C2CD2: variants seen among roughly 807,000 people sequenced by gnomAD.
The protein encoded by C2CD2 is C2 domain-containing protein 2.
Under a neutral mutation model 74.3 loss-of-function variants are expected in C2CD2, and 43 were observed. The ratio of observed to expected loss-of-function variants is 0.58; its 90% CI spans 0.45 to 0.75. The LOEUF (loss-of-function observed/expected upper bound fraction) is 0.75. C2CD2 is among the 30% of genes least tolerant of loss of function. The probability of loss-of-function intolerance (pLI) is 0.00; values close to 1 mark genes in which losing one functional copy is unlikely to be tolerated. For missense variants in C2CD2, 801 were observed against 916.3 expected (o/e 0.87, Z 1.63); for synonymous variants, 422 against 390.7 (o/e 1.08, Z -0.94).
Position 41,907,858 on chromosome 21 carries a change from C to T in C2CD2, c.1019-74G>A, listed in dbSNP as rs59585090. The T allele has an allele frequency of 0.017, 26,177 of 1,533,132 alleles. 2,737 individuals carry two copies. The African/African-American group carries it at 0.26, about 15-fold the overall frequency. 95.0% of individuals were successfully genotyped at this position (1,533,132 alleles called of 1,614,324 possible). A position where few individuals can be genotyped will look rare whatever the true frequency, so the allele number is the denominator to read the frequency against. On this transcript the variant is annotated intron_variant, in intron 8 of 13. Coordinates refer to ENST00000380486, the MANE Select transcript of C2CD2 (RefSeq NM_015500.2). ...TTCCGTGAGGACGGAAAGGCCCACACGCCCAGCAGCCGGAACACGCTCCTC... is the reference window on the plus strand; with the variant it reads ...TTCCGTGAGGACGGAAAGGCCCACATGCCCAGCAGCCGGAACACGCTCCTC...
rs570201113 is a variant in C2CD2, at chr21:41,926,078, C to T, written c.379-3993G>A. Among the ~76,000 whole-genome samples, 1 of 152,168 alleles carries T rather than the reference C, an allele frequency of 6.6e-6. No homozygotes were observed. The highest frequency in any genetic ancestry group is 1.5e-5 in the Non-Finnish European group (1 of 68,030). Reference sequence around the variant, plus strand: ...AGAAGCAATTATTTGGCATAGGCGGCAGTGACAGTGAACTCCTCAGAGGAC... The same window carrying T: ...AGAAGCAATTATTTGGCATAGGCGGTAGTGACAGTGAACTCCTCAGAGGAC... On this transcript the variant is annotated intron_variant, in intron 2 of 13. Coordinates refer to ENST00000380486, the MANE Select transcript of C2CD2 (RefSeq NM_015500.2). The surrounding 1 kb of genome is among the most constrained non-coding windows in gnomAD (Gnocchi z 8.0).
Position 41,885,961 on chromosome 21 carries a change from A to G in C2CD2, c.*3163T>C, listed in dbSNP as rs79889346. On this transcript the variant is annotated 3_prime_UTR_variant, in exon 14 of 14. Transcript: ENST00000380486. ...GTCAAAACTCTCACAGCAGGTTTTCAGCTGGAACAAGGAGATGGCTACTTT... is the reference window on the plus strand; with the variant it reads ...GTCAAAACTCTCACAGCAGGTTTTCGGCTGGAACAAGGAGATGGCTACTTT... 2.0e-5 allele frequency: 3 copies of G among 152,544 alleles called. No individual in the cohort carries two copies. The highest frequency in any genetic ancestry group is 2.0e-4 in the Admixed American group (3 of 15,284). 9.4% of individuals were successfully genotyped at this position (152,544 alleles called of 1,614,324 possible). A position where few individuals can be genotyped will look rare whatever the true frequency, so the allele number is the denominator to read the frequency against.
intron 13 of C2CD2, among the ~76,000 whole-genome samples, chr21:41,891,936 G>A (rs1197074250): frequency 3.3e-5 from 5 of 152,180 alleles, no homozygotes; most frequent in Admixed American, 3.3e-4. Flanking sequence ...CTGTATCCAG[G>A]CCTGAGGTAT....
chr21:41,892,014 C>T lies in C2CD2; in HGVS notation c.1871-2670G>A, dbSNP rs1416394916. 1.3e-5 allele frequency among the ~76,000 whole-genome samples: 2 copies of T among 151,988 alleles called. No individual in the cohort carries two copies. Among genetic ancestry groups the T allele is most frequent in the African/African-American group, 4.8e-5 (2 of 41,370 alleles). On this transcript the variant is annotated intron_variant, in intron 13 of 13. Coordinates refer to ENST00000380486, the MANE Select transcript of C2CD2 (RefSeq NM_015500.2). This position sits in a 1 kb window ranked among gnomAD's most constrained non-coding sequence, Gnocchi z 4.6. ...CCACCCAAATTCATATGTTACAGTC[C>T]TAATCCCCAGTACTTCACAGAATGT...
At chr21:41,931,406 G>A (rs1431157353) in intron 2 of C2CD2, among the ~76,000 whole-genome samples, 2 of 145,634 alleles carry the variant, frequency 1.4e-5, no homozygotes, top group Non-Finnish European at 3.1e-5. Context: ...AGAGATAAGA[G>A]CGTCTTTTGA....
At chr21:41,901,243 G>A in intron 12 of C2CD2, 1 of 318,508 alleles carries the variant, frequency 3.1e-6, no homozygotes, top group South Asian at 3.1e-5. Context: ...AAAAGTAAAA[G>A]GCTTTGGAAA....
chr21:41,911,819 T>C (rs923632960), intron 7 of C2CD2, among the ~76,000 whole-genome samples: 1 of 151,882 alleles, frequency 6.6e-6, no homozygotes, highest in Non-Finnish European at 1.5e-5. Context: ...GCCTCCCAAA[T>C]AGCTAGGAGT....
At chr21:41,934,203 G>A (rs554792891) in intron 2 of C2CD2, among the ~76,000 whole-genome samples, 35 of 152,278 alleles carry the variant, frequency 2.3e-4, no homozygotes, top group African/African-American at 8.4e-4. Context: ...AGAAGACGAT[G>A]GATTACTTGA....
In C2CD2 at chr21:41,919,176, ATG is replaced by A. The variant is rs770400990; in HGVS notation, c.493-218_493-217del. 2.7e-5 allele frequency: 16 copies of A among 587,856 alleles called. 1 individual carries two copies. Among genetic ancestry groups the A allele is most frequent in the South Asian group, 1.4e-4 (7 of 50,842 alleles). The allele number at this position is 587,856 out of a possible 1,614,324, so 36.4% of individuals were successfully genotyped here. On this transcript the variant is annotated intron_variant, in intron 3 of 13. Coordinates refer to ENST00000380486, the MANE Select transcript of C2CD2 (RefSeq NM_015500.2). ...TGTGCATGTATGAGCATGTGTGTGC[ATG>A]TGAGTGTGAATGTGTGCATGTGCAT...
At chr21:41,943,687 C>CA (rs972271254) in intron 1 of C2CD2, among the ~76,000 whole-genome samples, 1 of 152,182 alleles carries the variant, frequency 6.6e-6, no homozygotes, top group Non-Finnish European at 1.5e-5. Flanking sequence ...AAGCATGGTG[C>CA]AAGTGAGCAA....
chr21:41,953,385 C>G lies in C2CD2; in HGVS notation c.264G>C (p.Glu88Asp). 7.0e-7 allele frequency: 1 copy of G among 1,419,294 alleles called. No individual in the cohort carries two copies. Among genetic ancestry groups the G allele is most frequent in the African/African-American group, 1.5e-5 (1 of 66,826 alleles). 87.9% of individuals were successfully genotyped at this position (1,419,294 alleles called of 1,614,324 possible). ...GGAAACTCACCCCTTTCCTCTCGGCCTCCTCGTTCAGGGCGGTCACCCAGG... is the reference window on the plus strand; with the variant it reads ...GGAAACTCACCCCTTTCCTCTCGGCGTCCTCGTTCAGGGCGGTCACCCAGG... Reference protein sequence around the residue: ...QAAWVTALNEEAERKGGPPFL... With the variant: ...QAAWVTALNEDAERKGGPPFL... The change falls in exon 1 of 14, where the codon GAG (glutamate) becomes GAC (aspartate). Residue 88 changes from glutamate to aspartate, a missense_variant. Physicochemically the swap from Glu to Asp is conservative, Grantham distance 45. Coordinates refer to ENST00000380486, the MANE Select transcript of C2CD2 (RefSeq NM_015500.2).
Position 41,953,849 on chromosome 21 carries a change from C to T in C2CD2, c.-201G>A. The T allele has an allele frequency of 3.1e-6, 1 of 319,506 alleles. No individual in the cohort carries two copies. The highest frequency in any genetic ancestry group is 5.3e-6 in the Non-Finnish European group (1 of 187,618). 19.8% of individuals were successfully genotyped at this position (319,506 alleles called of 1,614,324 possible). A position where few individuals can be genotyped will look rare whatever the true frequency, so the allele number is the denominator to read the frequency against. On this transcript the variant is annotated 5_prime_UTR_variant, in exon 1 of 14. Coordinates refer to ENST00000380486, the MANE Select transcript of C2CD2 (RefSeq NM_015500.2). ...AAACGCGCGGCGGCCGCGGCCCGGG[C>T]TGGGCGCAAGCCCCGCACACCTGCG... is the stretch of plus-strand genomic sequence containing the variant.
At chr21:41,901,443 T>C in intron 12 of C2CD2, 179 bp downstream of exon 12, 5 of 693,052 alleles carry the variant, frequency 7.2e-6, no homozygotes, top group Non-Finnish European at 1.3e-5. Flanking sequence ...TAGGATAAAC[T>C]GTGTAAACAC....
At chr21:41,951,066 T>C (rs1025009155) in intron 1 of C2CD2, among the ~76,000 whole-genome samples, 2 of 152,034 alleles carry the variant, frequency 1.3e-5, no homozygotes, top group Non-Finnish European at 2.9e-5. Flanking sequence ...CAGCCACGAA[T>C]GGACACAGCA....
Position 41,889,286 on chromosome 21 carries a change from G to T in C2CD2, c.1929C>A (p.Asp643Glu), listed in dbSNP as rs1359985141. The change falls in exon 14 of 14, where the codon GAC (aspartate) becomes GAA (glutamate). Residue 643 changes from aspartate to glutamate, a missense_variant. Transcript: ENST00000380486. Reference protein sequence around the residue: ...LFFRRRHQQKDPGMSQSHNDL... With the variant: ...LFFRRRHQQKEPGMSQSHNDL... ...CATTGTGTGACTGACTCATGCCTGGGTCTTTCTGTTGATGCCGCCGGCGGA... is the reference window on the plus strand; with the variant it reads ...CATTGTGTGACTGACTCATGCCTGGTTCTTTCTGTTGATGCCGCCGGCGGA... 33 of 1,613,994 alleles carry T rather than the reference G, an allele frequency of 2.0e-5. No individual in the cohort carries two copies. The highest frequency in any genetic ancestry group is 2.8e-5 in the Non-Finnish European group (33 of 1,180,016).
intron 2 of C2CD2, among the ~76,000 whole-genome samples, chr21:41,934,733 G>T (rs1321200762): frequency 6.6e-6 from 1 of 152,184 alleles, no homozygotes; most frequent in South Asian, 2.1e-4. Context: ...CCGTCTAGGG[G>T]GTGGACAGTA....
At chr21:41,930,711 C>CAA (rs200200446) in intron 2 of C2CD2, among the ~76,000 whole-genome samples, 7 of 130,550 alleles carry the variant, frequency 5.4e-5, no homozygotes, top group Admixed American at 3.0e-4. Flanking sequence ...CAAAACAAAA[C>CAA]AAAAAAAAAA....
In C2CD2 at chr21:41,947,141, C is replaced by CTCTCTCTCTCTCTCTCTCTCT. The variant is rs1569084407; in HGVS notation, c.280-4897_280-4896insAGAGAGAGAGAGAGAGAGAGA. Among the ~76,000 whole-genome samples, 92 of 20,172 alleles carry CTCTCTCTCTCTCTCTCTCTCT rather than the reference C, an allele frequency of 4.6e-3. 1 individual carries two copies. The highest frequency in any genetic ancestry group is 0.02 in the African/African-American group (89 of 4,368). 13.2% of individuals were successfully genotyped at this position (20,172 alleles called of 152,430 possible). On this transcript the variant is annotated intron_variant, in intron 1 of 13. Coordinates refer to ENST00000380486, the MANE Select transcript of C2CD2 (RefSeq NM_015500.2). ...CTCTCTCTCTCTCTCTCTCTCTCTC[C>CTCTCTCTCTCTCTCTCTCTCT]CTCCCTCCCTCCCTCCCTCTCTCCT...
intron 8 of C2CD2, chr21:41,908,802 C>T (rs2064994699): frequency 6.6e-6 from 1 of 152,050 alleles, no homozygotes. Flanking sequence ...CTTTAAAAAC[C>T]TAACAAATAT....
Sources: allele counts gnomAD v4.1 joint callset (sites outside exome capture counted in the v4.1 genomes callset), GRCh38; gene constraint gnomAD v4.1.1; non-coding constraint Gnocchi (gnomAD v3.1); transcripts MANE v1.5; gene names NCBI Gene and HGNC (gene_info 2026-07-23, HGNC 2026-07-21).